PAX9: variants seen among roughly 807,000 people sequenced by gnomAD.
PAX9 encodes the protein paired box protein Pax-9.
PAX9 carries 6 observed loss-of-function variants against 29.1 expected under a neutral mutation model. That is an observed-to-expected ratio of 0.21 (90% CI 0.11 to 0.41). The LOEUF is 0.41. Among genes scored for constraint, PAX9 ranks in the 10% least tolerant of loss-of-function variants. The probability of loss-of-function intolerance (pLI) is 1.00; values close to 1 mark genes in which losing one functional copy is unlikely to be tolerated. For missense variants in PAX9, 443 were observed against 479.1 expected (o/e 0.92, Z 0.70); for synonymous variants, 217 against 211.7 (o/e 1.03, Z -0.22).
chr14:36,657,927 C>T (rs1158875078), upstream of PAX9: 3 of 152,262 alleles, frequency 2.0e-5, no homozygotes, highest in Admixed American at 1.3e-4. Flanking sequence ...CTCCTGTCCT[C>T]CTCTCCCACC....
chr14:36,667,903 G>A (rs1385275776), intron 3 of PAX9, among the ~76,000 whole-genome samples: 1 of 152,196 alleles, frequency 6.6e-6, no homozygotes, highest in African/African-American at 2.4e-5. Flanking sequence ...ATAGTACAAT[G>A]GTTAGGAGCT....
At chr14:36,668,909 GAAAT>G (rs1881605756) in intron 3 of PAX9, among the ~76,000 whole-genome samples, 1 of 151,854 alleles carries the variant, frequency 6.6e-6, no homozygotes, top group Non-Finnish European at 1.5e-5. Flanking sequence ...ATAATTTAAA[GAAAT>G]AAGTAACCAA....
At chr14:36,664,255 G>C (rs775470454) in intron 2 of PAX9, among the ~76,000 whole-genome samples, 1 of 152,202 alleles carries the variant, frequency 6.6e-6, no homozygotes, top group Non-Finnish European at 1.5e-5. Flanking sequence ...AGGAAGGGAA[G>C]TGGCATCAGC....
intron 3 of PAX9, among the ~76,000 whole-genome samples, chr14:36,667,459 T>C (rs1411762798): frequency 6.6e-6 from 1 of 152,096 alleles, no homozygotes; most frequent in East Asian, 1.9e-4. Flanking sequence ...ATGTAAGGTT[T>C]CCCCAGCAGA....
At position 36,676,379 on chromosome 14, in the gene PAX9, C is replaced by T. The variant is rs372101496; in HGVS notation, c.953C>T (p.Pro318Leu). 21 of 1,613,982 alleles carry T rather than the reference C, an allele frequency of 1.3e-5. No homozygotes were observed. Among genetic ancestry groups the T allele is most frequent in the African/African-American group, 2.7e-5 (2 of 74,894 alleles). ...TSLSPHNCDI[P>L]ASLAFKGMQA... The stretch of plus-strand genomic sequence containing the variant: ...TTGTCTCCCCACAACTGTGACATTC[C>T]GGCATCGCTGGCGTTCAAGGGAATG... The change falls in exon 4 of 4, where the codon CCG becomes CTG. Residue 318 changes from proline to leucine, a missense_variant. Physicochemically the swap from Pro to Leu is moderately conservative, Grantham distance 98. Coordinates refer to ENST00000361487, the MANE Select transcript of PAX9 (RefSeq NM_001372076.1).
At chr14:36,674,315 A>G (rs191855705) in intron 3 of PAX9, among the ~76,000 whole-genome samples, 1 of 152,354 alleles carries the variant, frequency 6.6e-6, no homozygotes, top group Non-Finnish European at 1.5e-5. Flanking sequence ...ATTAAATTGC[A>G]TCTATCTTTT....
At chr14:36,668,906 A>G (rs1881605559) in intron 3 of PAX9, among the ~76,000 whole-genome samples, 1 of 152,158 alleles carries the variant, frequency 6.6e-6, no homozygotes, top group Admixed American at 6.5e-5. Context: ...AATATAATTT[A>G]AAGAAATAAG....
At chr14:36,673,630 G>A (rs1881777139) in intron 3 of PAX9, among the ~76,000 whole-genome samples, 1 of 152,062 alleles carries the variant, frequency 6.6e-6, no homozygotes, top group African/African-American at 2.4e-5. Flanking sequence ...AAGGGCAAAG[G>A]TGTAAGAAAA....
At position 36,677,784 on chromosome 14, in the gene PAX9, A is replaced by G. The variant is rs1463107288; in HGVS notation, c.*1332A>G. 4 of 152,248 alleles carry G rather than the reference A, an allele frequency of 2.6e-5. No homozygotes were observed. The highest frequency in any genetic ancestry group is 5.9e-5 in the Non-Finnish European group (4 of 68,052). The allele number at this position is 152,248 out of a possible 1,614,324, so 9.4% of individuals were successfully genotyped here. A position where few individuals can be genotyped will look rare whatever the true frequency, so the allele number is the denominator to read the frequency against. ...ATTCCCTTTATTCATTTCTGAAATTACAGGACACAGTTTAACTCATAAACC... is the reference window on the plus strand; with the variant it reads ...ATTCCCTTTATTCATTTCTGAAATTGCAGGACACAGTTTAACTCATAAACC... On this transcript the variant is annotated 3_prime_UTR_variant, in exon 4 of 4. Coordinates refer to ENST00000361487, the MANE Select transcript of PAX9 (RefSeq NM_001372076.1).
intron 1 of PAX9, chr14:36,662,495 G>C (rs1881313732): frequency 2.6e-6 from 1 of 386,554 alleles, no homozygotes; most frequent in Non-Finnish European, 4.6e-6. Context: ...TAACTGGCCG[G>C]GTCTCCAGAA....
intron 3 of PAX9, among the ~76,000 whole-genome samples, chr14:36,672,790 T>TC (rs1881734232): frequency 1.3e-5 from 2 of 150,382 alleles, no homozygotes; most frequent in Non-Finnish European, 3.0e-5. Flanking sequence ...TGTTTGTTTT[T>TC]TTTTTTAAGC....
intron 3 of PAX9, among the ~76,000 whole-genome samples, chr14:36,675,883 G>A (rs1294369594): frequency 2.0e-5 from 3 of 152,138 alleles, no homozygotes; most frequent in African/African-American, 4.8e-5. Flanking sequence ...GTATTTAATT[G>A]CCATTAATTC....
At chr14:36,660,409 G>A (rs1202522836), upstream of PAX9, among the ~76,000 whole-genome samples, 1 of 152,218 alleles carries the variant, frequency 6.6e-6, no homozygotes, top group Non-Finnish European at 1.5e-5. Flanking sequence ...ATTCTAAAGA[G>A]TGGTGTTTTA....
intron 3 of PAX9, among the ~76,000 whole-genome samples, chr14:36,667,194 G>C (rs1281851968): frequency 6.6e-6 from 1 of 152,106 alleles, no homozygotes; most frequent in Non-Finnish European, 1.5e-5. Flanking sequence ...CTCGACTAAA[G>C]GTCACATTGT....
intron 3 of PAX9, among the ~76,000 whole-genome samples, chr14:36,672,285 AG>A (rs1319801921): frequency 6.6e-6 from 1 of 152,342 alleles, no homozygotes; most frequent in East Asian, 1.9e-4. Flanking sequence ...TTTATAGTGT[AG>A]ATTTGGTAGT....
chr14:36,658,383 G>C (rs1012047787), upstream of PAX9, among the ~76,000 whole-genome samples: 7 of 151,650 alleles, frequency 4.6e-5, no homozygotes, highest in Admixed American at 4.6e-4. Context: ...TGGGGGGGGG[G>C]GGTCCTGTCC....
rs1323962866 is a variant in PAX9 at position 36,676,719 on chromosome 14, TG to T, written c.*268del. The T allele has an allele frequency of 3.8e-5, 19 of 500,928 alleles. No homozygotes were observed. The highest frequency in any genetic ancestry group is 2.9e-4 in the African/African-American group (15 of 51,718). 31.0% of individuals were successfully genotyped at this position (500,928 alleles called of 1,614,324 possible). ...TGAGACATTTGTGTTGCCCACATAC[TG>T]TCTTAACATAACAAAGAAACCTACA... is the stretch of plus-strand genomic sequence containing the variant. On this transcript the variant is annotated 3_prime_UTR_variant, in exon 4 of 4. Transcript: ENST00000361487.
chr14:36,665,704 T>G (rs1446548074), intron 2 of PAX9, among the ~76,000 whole-genome samples: 1 of 152,182 alleles, frequency 6.6e-6, no homozygotes, highest in Non-Finnish European at 1.5e-5. Flanking sequence ...TTCTCTTTCT[T>G]GTATATACAT....
chr14:36,665,076 GAC>G (rs1881436666), intron 2 of PAX9, among the ~76,000 whole-genome samples: 1 of 145,314 alleles, frequency 6.9e-6, no homozygotes, highest in Non-Finnish European at 1.5e-5. Context: ...GGAAGGCAAA[GAC>G]AGACAGGCAG....
Sources: gnomAD v4.1 joint callset for allele counts (sites outside exome capture counted in the v4.1 genomes callset) on GRCh38, gnomAD v4.1.1 for gene constraint, MANE v1.5 for transcripts, NCBI Gene and HGNC (gene_info 2026-07-23, HGNC 2026-07-21) for gene names.